DHRSX: variants seen among roughly 807,000 people sequenced by gnomAD.
DHRSX encodes the protein dehydrogenase/reductase X-linked.
Under a neutral mutation model 34.0 loss-of-function variants are expected in DHRSX, and 31 were observed. That is an observed-to-expected ratio of 0.91 (90% CI 0.69 to 1.23). DHRSX has a LOEUF of 1.23. Ranked by LOEUF, DHRSX falls within the 50% of genes most tolerant of loss-of-function variation. The pLI is 0.00. For synonymous variants in DHRSX, 201 were observed against 183.8 expected, an observed-to-expected ratio of 1.09 and a Z score of -0.76; for missense variants, 414 against 428.1, an observed-to-expected ratio of 0.97 and a Z score of 0.29.
At chrX:2,304,397 A>G (rs1380623086) in intron 3 of DHRSX, among the ~76,000 whole-genome samples, 1 of 151,978 alleles carries the variant, frequency 6.6e-6, no homozygotes, top group Non-Finnish European at 1.5e-5. Flanking sequence ...GGGTAGTGAT[A>G]TGGTTTGGAT....
chrX:2,407,518 T>C lies in DHRSX; in HGVS notation c.286+1227A>G, dbSNP rs143996555. 7.9e-5 allele frequency among the ~76,000 whole-genome samples: 12 copies of C among 152,328 alleles called. No homozygotes were observed. In the East Asian group the frequency reaches 2.1e-3, roughly 27 times the overall value. On this transcript the variant is annotated intron_variant, in intron 3 of 6. Transcript: ENST00000334651. ...GCCAGGTTCTGAGGCCTAAGCAAACTAACTTATCTAGATCAGTTTCTTTAC... is the reference window on the plus strand; with the variant it reads ...GCCAGGTTCTGAGGCCTAAGCAAACCAACTTATCTAGATCAGTTTCTTTAC...
chrX:2,249,513 C>CTTTTTTTTTTTTTTT (rs753035485), intron 5 of DHRSX, among the ~76,000 whole-genome samples: 3 of 70,166 alleles, frequency 4.3e-5, no homozygotes, highest in African/African-American at 1.4e-4. Flanking sequence ...CTTTTTGTGC[C>CTTTTTTTTTTTTTTT]TTTTTTTTTT....
chrX:2,329,181 T>C (rs2042426618), intron 3 of DHRSX, among the ~76,000 whole-genome samples: 2 of 152,164 alleles, frequency 1.3e-5, no homozygotes, highest in Admixed American at 1.3e-4. Context: ...AGTGGGGCTC[T>C]ACCTAAGTAA....
intron 1 of DHRSX, chrX:2,490,242 AC>A: frequency 6.2e-7 from 1 of 1,613,774 alleles, no homozygotes; most frequent in Non-Finnish European, 8.5e-7. Flanking sequence ...GGCAGCTCAT[AC>A]CGGGGGTCGG....
intron 4 of DHRSX, among the ~76,000 whole-genome samples, chrX:2,287,878 G>A (rs1194750246): frequency 6.6e-6 from 1 of 152,200 alleles, no homozygotes; most frequent in Admixed American, 6.5e-5. Flanking sequence ...ACACAATAAT[G>A]ACCCCAGAGA....
chrX:2,326,973 G>A (rs1484807698), intron 3 of DHRSX, among the ~76,000 whole-genome samples: 7 of 151,930 alleles, frequency 4.6e-5, no homozygotes, highest in African/African-American at 7.3e-5. Flanking sequence ...CACCATGCCC[G>A]GCTAATTTTT....
At chrX:2,455,492 A>G (rs1219698204) in intron 1 of DHRSX, among the ~76,000 whole-genome samples, 1 of 152,054 alleles carries the variant, frequency 6.6e-6, no homozygotes, top group Non-Finnish European at 1.5e-5. Context: ...TCCTAATCCC[A>G]GCACTTTGGG....
chrX:2,267,052 G>A, intron 4 of DHRSX, 105 bp from the exon 5 acceptor site: 1 of 1,171,104 alleles, frequency 8.5e-7, no homozygotes. Flanking sequence ...ATCGGAGGGT[G>A]GGGTGTAGAG....
At chrX:2,387,752 A>C (rs1044930472) in intron 3 of DHRSX, among the ~76,000 whole-genome samples, 1 of 152,000 alleles carries the variant, frequency 6.6e-6, no homozygotes, top group Non-Finnish European at 1.5e-5. Flanking sequence ...TAATCATCGC[A>C]GAACCCATTC....
At chrX:2,250,802 G>A (rs1008041457) in intron 5 of DHRSX, among the ~76,000 whole-genome samples, 2 of 152,052 alleles carry the variant, frequency 1.3e-5, no homozygotes, top group African/African-American at 4.8e-5. Flanking sequence ...CTCATGTTAC[G>A]CAGCCCCTAT....
intron 1 of DHRSX, among the ~76,000 whole-genome samples, chrX:2,434,860 T>C (rs2043974231): frequency 6.6e-6 from 1 of 152,166 alleles, no homozygotes; most frequent in Non-Finnish European, 1.5e-5. Flanking sequence ...TTTTTGCAGG[T>C]GTTACTTAAA....
intron 5 of DHRSX, among the ~76,000 whole-genome samples, chrX:2,250,919 C>A (rs1026155480): frequency 6.6e-6 from 1 of 152,198 alleles, no homozygotes; most frequent in Admixed American, 6.5e-5. Context: ...TTCCCACCTT[C>A]ATGTAACCAA....
At position 2,249,513 on chromosome X, in the gene DHRSX, CTTTTTTTTTTTTTTTT is replaced by C. The variant is rs753035485; in HGVS notation, c.597-6299_597-6284del. ...CCACCACGCTCAGCCCTTTTTGTGC[CTTTTTTTTTTTTTTTT>C]TTTTTTTTTTTTGAGACAGAGTCTC... On this transcript the variant is annotated intron_variant, in intron 5 of 6. Coordinates refer to ENST00000334651, the MANE Select transcript of DHRSX (RefSeq NM_145177.3). Among the ~76,000 whole-genome samples, 10 of 70,166 alleles carry C rather than the reference CTTTTTTTTTTTTTTTT, an allele frequency of 1.4e-4. No homozygotes were observed. In the South Asian group the frequency reaches 5.3e-3, roughly 37 times the overall value. 46.0% of individuals were successfully genotyped at this position (70,166 alleles called of 152,430 possible). A position where few individuals can be genotyped will look rare whatever the true frequency, so the allele number is the denominator to read the frequency against.
intron 1 of DHRSX, among the ~76,000 whole-genome samples, chrX:2,445,483 C>T (rs1049872448): frequency 1.3e-5 from 2 of 152,048 alleles, no homozygotes; most frequent in African/African-American, 4.8e-5. Flanking sequence ...ATGGTATTTG[C>T]TACTATCTGA....
intron 2 of DHRSX, among the ~76,000 whole-genome samples, chrX:2,411,747 C>CA (rs1353747133): frequency 1.5e-4 from 14 of 95,250 alleles, no homozygotes; most frequent in Non-Finnish European, 2.1e-4. Context: ...CAAAACAAAA[C>CA]AAAACAAAAA....
chrX:2,408,621 A>C lies in DHRSX; in HGVS notation c.286+124T>G. The C allele has an allele frequency of 6.0e-6, 5 of 838,110 alleles. No homozygotes were observed. The South Asian group carries it at 8.1e-5, about 14-fold the overall frequency. 51.9% of individuals were successfully genotyped at this position (838,110 alleles called of 1,614,324 possible). A position where few individuals can be genotyped will look rare whatever the true frequency, so the allele number is the denominator to read the frequency against. The stretch of plus-strand genomic sequence containing the variant: ...GAAATCCCCAAAAGAAGAGTGCAAA[A>C]ATCAGAGCCATCTCTCCCAAATGCC... On this transcript the variant is annotated intron_variant, in intron 3 of 6. Coordinates refer to ENST00000334651, the MANE Select transcript of DHRSX (RefSeq NM_145177.3).
intron 3 of DHRSX, among the ~76,000 whole-genome samples, chrX:2,373,239 C>A (rs1207319510): frequency 1.3e-5 from 2 of 152,200 alleles, no homozygotes; most frequent in African/African-American, 2.4e-5. Flanking sequence ...CTGGCCCCAC[C>A]CTTCACAGGT....
intron 5 of DHRSX, among the ~76,000 whole-genome samples, chrX:2,250,442 GTTAT>G (rs1415316036): frequency 1.3e-5 from 2 of 152,090 alleles, no homozygotes; most frequent in African/African-American, 4.8e-5. Flanking sequence ...TATTTTTATG[GTTAT>G]TTCTCTATCA....
At chrX:2,314,854 T>A in intron 3 of DHRSX, among the ~76,000 whole-genome samples, 2 of 152,072 alleles carry the variant, frequency 1.3e-5, no homozygotes, top group South Asian at 4.2e-4. Flanking sequence ...GGCTCGGAAG[T>A]CATTGAAAAG....
Sources: allele counts gnomAD v4.1 joint callset (sites outside exome capture counted in the v4.1 genomes callset), GRCh38; gene constraint gnomAD v4.1.1; transcripts MANE v1.5; gene names NCBI Gene and HGNC (gene_info 2026-07-23, HGNC 2026-07-21).